NCALD: variants seen among roughly 807,000 people sequenced by gnomAD.
The protein encoded by NCALD is neurocalcin-delta.
NCALD carries 10 observed loss-of-function variants against 18.6 expected under a neutral mutation model. The observed-to-expected ratio is 0.54, with a 90% CI of 0.33 to 0.91. NCALD has a LOEUF of 0.91. NCALD is among the 40% of genes least tolerant of loss of function. NCALD has a pLI of 0.03. For missense variants in NCALD, 184 were observed against 247.6 expected, an observed-to-expected ratio of 0.74 and a Z score of 1.72; for synonymous variants, 88 against 87.4, an observed-to-expected ratio of 1.01 and a Z score of -0.04.
intron 2 of NCALD, among the ~76,000 whole-genome samples, chr8:101,987,255 C>A (rs1820848491): frequency 6.6e-6 from 1 of 152,208 alleles, no homozygotes; most frequent in South Asian, 2.1e-4. Context: ...GAAGGGCAGA[C>A]TAGCAGCAGT....
chr8:101,784,836 T>A (rs956586675), intron 1 of NCALD, among the ~76,000 whole-genome samples: 1 of 152,134 alleles, frequency 6.6e-6, no homozygotes, highest in African/African-American at 2.4e-5. Context: ...TGGATTCAAT[T>A]GTAAGGCTAT....
chr8:102,052,391 C>A (rs765780490), intron 1 of NCALD, among the ~76,000 whole-genome samples: 1 of 152,206 alleles, frequency 6.6e-6, no homozygotes, highest in African/African-American at 2.4e-5. Flanking sequence ...CATTCACAGG[C>A]TCCCTCTTGA....
chr8:101,826,729 A>T (rs1031237109), intron 4 of NCALD, among the ~76,000 whole-genome samples: 2 of 152,250 alleles, frequency 1.3e-5, no homozygotes, highest in African/African-American at 2.4e-5. Context: ...GTTATTTACC[A>T]AATAGACTTC....
intron 3 of NCALD, among the ~76,000 whole-genome samples, chr8:101,906,186 C>T (rs373680747): frequency 1.3e-5 from 2 of 152,330 alleles, no homozygotes; most frequent in African/African-American, 2.4e-5. Context: ...CTGCTTCTCT[C>T]GATTTACTTT....
At chr8:101,802,578 TA>T (rs201465859) in intron 4 of NCALD, among the ~76,000 whole-genome samples, 70 of 143,818 alleles carry the variant, frequency 4.9e-4, no homozygotes, top group Middle Eastern at 3.5e-3. Context: ...CACGAATGAT[TA>T]AAAAAAAAAA....
intron 1 of NCALD, among the ~76,000 whole-genome samples, chr8:101,729,830 T>G (rs1016386957): frequency 6.6e-6 from 1 of 152,174 alleles, no homozygotes. Context: ...TTCCAAGTTT[T>G]ATTTTTCATA....
At chr8:101,994,027 G>A (rs143232104) in intron 2 of NCALD, among the ~76,000 whole-genome samples, 170 of 152,306 alleles carry the variant, frequency 1.1e-3, no homozygotes, top group African/African-American at 3.4e-3. Flanking sequence ...TGAGGAGGTA[G>A]ACATTAAAAT....
chr8:102,015,522 C>T (rs1162425523), intron 2 of NCALD, among the ~76,000 whole-genome samples: 3 of 152,104 alleles, frequency 2.0e-5, no homozygotes, highest in Admixed American at 6.5e-5. Context: ...TTCCTTTAAG[C>T]CAGTGACTCT....
intron 1 of NCALD, among the ~76,000 whole-genome samples, chr8:102,106,466 TACAC>T (rs398009101): frequency 2.7e-4 from 37 of 139,056 alleles, no homozygotes; most frequent in Middle Eastern, 3.6e-3. Context: ...TATATATATA[TACAC>T]ACACACACAC....
intron 1 of NCALD, among the ~76,000 whole-genome samples, chr8:101,779,110 T>C (rs1811911649): frequency 6.6e-6 from 1 of 152,184 alleles, no homozygotes. Flanking sequence ...TATTTTTCAA[T>C]TATGAGGGCA....
At chr8:101,855,308 C>T (rs1214083716) in intron 4 of NCALD, among the ~76,000 whole-genome samples, 1 of 152,116 alleles carries the variant, frequency 6.6e-6, no homozygotes, top group Admixed American at 6.6e-5. Context: ...TGATATTTGT[C>T]ACTTCTAGGC....
chr8:101,905,886 A>C (rs1432067840), intron 3 of NCALD, among the ~76,000 whole-genome samples: 1 of 152,240 alleles, frequency 6.6e-6, no homozygotes, highest in Non-Finnish European at 1.5e-5. Context: ...ACTTTGAAGG[A>C]GATTCATACA....
chr8:101,767,866 T>C (rs1013510055), intron 1 of NCALD, among the ~76,000 whole-genome samples: 1 of 152,226 alleles, frequency 6.6e-6, no homozygotes, highest in Non-Finnish European at 1.5e-5. Context: ...TCTTCACTCC[T>C]GGTGTTTGTT....
At chr8:102,116,290 A>G (rs1483140874) in intron 1 of NCALD, among the ~76,000 whole-genome samples, 1 of 148,350 alleles carries the variant, frequency 6.7e-6, no homozygotes, top group Non-Finnish European at 1.5e-5. Context: ...AAACAAAAAC[A>G]AAAACCTCTA....
At chr8:101,867,977 G>T (rs1586660455) in intron 4 of NCALD, among the ~76,000 whole-genome samples, 2 of 152,106 alleles carry the variant, frequency 1.3e-5, no homozygotes, top group Middle Eastern at 3.4e-3. Context: ...CTTTTTTTTG[G>T]CTTGCACATT....
intron 4 of NCALD, among the ~76,000 whole-genome samples, chr8:101,798,517 T>A (rs768676115): frequency 2.0e-5 from 3 of 152,098 alleles, no homozygotes; most frequent in Non-Finnish European, 2.9e-5. Flanking sequence ...AAGGTTCAAA[T>A]AAATGGAGAC....
At chr8:101,996,563 G>A (rs1586893190) in intron 2 of NCALD, among the ~76,000 whole-genome samples, 2 of 152,342 alleles carry the variant, frequency 1.3e-5, no homozygotes, top group East Asian at 1.9e-4. Flanking sequence ...TTTAAGCAGA[G>A]GCAGATCCTG....
intron 1 of NCALD, among the ~76,000 whole-genome samples, chr8:101,766,808 A>G (rs376006710): frequency 7.9e-5 from 12 of 152,128 alleles, no homozygotes; most frequent in Admixed American, 3.9e-4. Flanking sequence ...CGAACTTCTG[A>G]CCTCAGGTGA....
chr8:102,020,903 G>A (rs564673797), intron 1 of NCALD, among the ~76,000 whole-genome samples: 75 of 152,114 alleles, frequency 4.9e-4, no homozygotes, highest in Middle Eastern at 3.4e-3. Context: ...AGCTCCCAGC[G>A]TTCATACACA....
Sources: allele counts gnomAD v4.1 joint callset (sites outside exome capture counted in the v4.1 genomes callset), GRCh38; gene constraint gnomAD v4.1.1; transcripts MANE v1.5; gene names NCBI Gene and HGNC (gene_info 2026-07-23, HGNC 2026-07-21).